Variants in NBAS observed in about 807,000 individuals in gnomAD.
NBAS encodes NBAS subunit of NRZ tethering complex, also known as NAG/BC035112 fusion.
In NBAS, 219 loss-of-function variants were observed where a neutral mutation model predicts 302.5. That is an observed-to-expected ratio of 0.72 (90% CI 0.65 to 0.81). The LOEUF is 0.81. Ranked by LOEUF, NBAS falls within the 30% of genes least tolerant of loss-of-function variation. The pLI, the probability that NBAS is intolerant of heterozygous loss-of-function variation, is 0.00. For missense variants in NBAS, 2,932 were observed against 2,841.6 expected, an observed-to-expected ratio of 1.03 and a Z score of -0.72; for synonymous variants, 1,118 against 1,021.6, an observed-to-expected ratio of 1.09 and a Z score of -1.80.
At chr2:15,241,795 C>T (rs1437725650) in intron 44 of NBAS, among the ~76,000 whole-genome samples, 3 of 151,942 alleles carry the variant, frequency 2.0e-5, no homozygotes, top group Non-Finnish European at 2.9e-5. Context: ...TTAGAAAAAC[C>T]TTTTTTTTAA....
chr2:15,510,775 G>A (rs1384237845), intron 10 of NBAS, among the ~76,000 whole-genome samples: 1 of 152,140 alleles, frequency 6.6e-6, no homozygotes, highest in East Asian at 1.9e-4. Flanking sequence ...TGGATGATCA[G>A]GGCAACTTAC....
intron 35 of NBAS, among the ~76,000 whole-genome samples, chr2:15,339,426 C>T (rs1043477619): frequency 5.3e-5 from 8 of 152,096 alleles, no homozygotes; most frequent in African/African-American, 1.7e-4. Context: ...TTCAACTATT[C>T]CTCCCCATTT....
At chr2:14,945,794 G>A in the NBAS span, among the ~76,000 whole-genome samples, 1 of 152,110 alleles carries the variant, frequency 6.6e-6, no homozygotes, top group Non-Finnish European at 1.5e-5. Context: ...AAGATATAGA[G>A]AATAGGCCAG....
intron 13 of NBAS, among the ~76,000 whole-genome samples, chr2:15,477,268 AT>A (rs34924368): frequency 1.1e-4 from 17 of 148,820 alleles, no homozygotes; most frequent in African/African-American, 1.5e-4. Context: ...AACTAAAAGC[AT>A]TTTTTTTTTT....
the NBAS span, among the ~76,000 whole-genome samples, chr2:15,152,002 C>T: frequency 6.6e-6 from 1 of 152,126 alleles, no homozygotes; most frequent in Non-Finnish European, 1.5e-5. Flanking sequence ...CAGTTGTGAC[C>T]ATGCCCACCT....
Position 15,512,158 on chromosome 2 carries a change from T to C in NBAS, c.747-808A>G, listed in dbSNP as rs541592068. ...ATCTTGAAAAATTTATGTTTCTACATAGAAATTGAAAAGTCAAAAAAACAT... is the reference window on the plus strand; with the variant it reads ...ATCTTGAAAAATTTATGTTTCTACACAGAAATTGAAAAGTCAAAAAAACAT... On this transcript the variant is annotated intron_variant, in intron 9 of 51. Coordinates refer to ENST00000281513, the MANE Select transcript of NBAS (RefSeq NM_015909.4). Among the ~76,000 whole-genome samples, 7 of 152,304 alleles carry C rather than the reference T, an allele frequency of 4.6e-5. No individual in the cohort carries two copies. The South Asian group carries it at 8.3e-4, about 18-fold the overall frequency.
intron 9 of NBAS, among the ~76,000 whole-genome samples, chr2:15,512,326 G>A (rs1049218312): frequency 7.2e-5 from 11 of 152,174 alleles, no homozygotes; most frequent in Admixed American, 7.2e-4. Context: ...AAGACCAGTG[G>A]AGGTGTATGC....
chr2:14,867,780 ATT>A, the NBAS span, among the ~76,000 whole-genome samples: 2 of 152,162 alleles, frequency 1.3e-5, no homozygotes, highest in Non-Finnish European at 2.9e-5. Context: ...ATGTTTATAC[ATT>A]TTCTGTTTAT....
chr2:15,423,851 G>C (rs532452913), intron 23 of NBAS, among the ~76,000 whole-genome samples: 3 of 152,252 alleles, frequency 2.0e-5, no homozygotes, highest in African/African-American at 4.8e-5. Flanking sequence ...GCAGCTGTTT[G>C]GCATCTCTGT....
rs554739914 is a variant in NBAS at position 15,417,786 on chromosome 2, T to C, written c.2578-74A>G. 15 of 1,370,428 alleles carry C rather than the reference T, an allele frequency of 1.1e-5. No individual in the cohort carries two copies. The Admixed American group carries it at 2.4e-4, about 22-fold the overall frequency. The allele number at this position is 1,370,428 out of a possible 1,614,324, so 84.9% of individuals were successfully genotyped here. A position where few individuals can be genotyped will look rare whatever the true frequency, so the allele number is the denominator to read the frequency against. ...TCTATTCTAAAGTAAAAGTCTCCAG[T>C]ACAGAATCTAATTCTTATAATCATT... is the stretch of plus-strand genomic sequence containing the variant. On this transcript the variant is annotated intron_variant, in intron 23 of 51. Transcript: ENST00000281513.
intron 14 of NBAS, 31 bp downstream of exon 14, chr2:15,475,656 C>T: frequency 6.2e-7 from 1 of 1,606,256 alleles, no homozygotes; most frequent in Non-Finnish European, 8.5e-7. Flanking sequence ...AAATACATAA[C>T]TATTCTCAAA....
intron 44 of NBAS, among the ~76,000 whole-genome samples, chr2:15,255,166 A>AGTTTACATT (rs1274419349): frequency 6.6e-6 from 1 of 152,190 alleles, no homozygotes; most frequent in Non-Finnish European, 1.5e-5. Flanking sequence ...TGGTTGTACT[A>AGTTTACATT]GTTTACATTC....
chr2:14,974,224 T>C, the NBAS span, among the ~76,000 whole-genome samples: 3 of 152,174 alleles, frequency 2.0e-5, no homozygotes, highest in Non-Finnish European at 4.4e-5. Context: ...TTTGGAAACT[T>C]TGAATTATCT....
At chr2:15,256,663 C>T (rs1668614693) in intron 44 of NBAS, among the ~76,000 whole-genome samples, 1 of 152,154 alleles carries the variant, frequency 6.6e-6, no homozygotes. Flanking sequence ...TTCAACTTTT[C>T]CCTGTTCAGT....
intron 21 of NBAS, among the ~76,000 whole-genome samples, chr2:15,440,399 G>A (rs1284116645): frequency 1.3e-5 from 2 of 152,154 alleles, no homozygotes; most frequent in Non-Finnish European, 2.9e-5. Context: ...AGGCAAACAG[G>A]GTCTGGAGTG....
intron 32 of NBAS, among the ~76,000 whole-genome samples, chr2:15,360,522 T>A (rs905088178): frequency 8.5e-5 from 13 of 152,064 alleles, no homozygotes; most frequent in Non-Finnish European, 1.5e-4. Flanking sequence ...ATTTTTATTT[T>A]TATTTTTTGT....
the NBAS span, among the ~76,000 whole-genome samples, chr2:14,866,608 C>A: frequency 2.0e-5 from 3 of 151,968 alleles, no homozygotes; most frequent in Non-Finnish European, 2.9e-5. Flanking sequence ...GAGTAAAATC[C>A]ATGTTTCTGG....
the NBAS span, among the ~76,000 whole-genome samples, chr2:14,797,358 T>C: frequency 6.6e-6 from 1 of 152,198 alleles, no homozygotes; most frequent in Non-Finnish European, 1.5e-5. Context: ...GGCACCAATG[T>C]AGCTTTCTTG....
chr2:15,240,230 A>G (rs1250974391), intron 44 of NBAS, among the ~76,000 whole-genome samples: 1 of 152,064 alleles, frequency 6.6e-6, no homozygotes, highest in African/African-American at 2.4e-5. Context: ...AGGCTGAAAT[A>G]CATGGCATGA....
Sources: gnomAD v4.1 joint callset for allele counts (sites outside exome capture counted in the v4.1 genomes callset) on GRCh38, gnomAD v4.1.1 for gene constraint, MANE v1.5 for transcripts, NCBI Gene and HGNC (gene_info 2026-07-23, HGNC 2026-07-21) for gene names.